The following GPC5 variants were observed in gnomAD, a reference collection of about 807,000 sequenced individuals.
The protein encoded by GPC5 is glypican 5, also known as glypican-5.
A neutral mutation model predicts 53.9 loss-of-function variants in GPC5; 47 were observed. The ratio of observed to expected loss-of-function variants is 0.87; its 90% CI spans 0.69 to 1.11. GPC5 has a LOEUF of 1.11. Ranked by LOEUF, GPC5 falls within the 50% of genes most tolerant of loss-of-function variation. The pLI is 0.00. For synonymous variants in GPC5, 286 were observed against 263.3 expected (o/e 1.09, Z -0.84); for missense variants, 748 against 713.1 (o/e 1.05, Z -0.56).
At chr13:92,736,059 A>T (rs1888926762) in intron 7 of GPC5, among the ~76,000 whole-genome samples, 1 of 151,984 alleles carries the variant, frequency 6.6e-6, no homozygotes, top group Non-Finnish European at 1.5e-5. Flanking sequence ...ATATAAGCAC[A>T]TTATTTGATT....
At chr13:91,556,619 A>G (rs1284606220) in intron 2 of GPC5, among the ~76,000 whole-genome samples, 1 of 151,740 alleles carries the variant, frequency 6.6e-6, no homozygotes, top group African/African-American at 2.4e-5. Context: ...ATATATACAC[A>G]CCATGGAATA....
At chr13:91,704,333 G>T (rs1163217699) in intron 3 of GPC5, among the ~76,000 whole-genome samples, 1 of 152,026 alleles carries the variant, frequency 6.6e-6, no homozygotes, top group Non-Finnish European at 1.5e-5. Flanking sequence ...CATTTGCATG[G>T]AATGAATATC....
At chr13:91,738,975 G>C (rs1033032109) in intron 4 of GPC5, among the ~76,000 whole-genome samples, 8 of 150,880 alleles carry the variant, frequency 5.3e-5, no homozygotes, top group Admixed American at 3.3e-4. Context: ...GAATCTTTTT[G>C]CTTTAGCCTT....
At chr13:92,409,964 G>T (rs1472600267) in intron 7 of GPC5, among the ~76,000 whole-genome samples, 1 of 152,178 alleles carries the variant, frequency 6.6e-6, no homozygotes, top group Admixed American at 6.5e-5. Context: ...TAAAAATAAG[G>T]TGTGTATGTG....
intron 7 of GPC5, among the ~76,000 whole-genome samples, chr13:92,386,988 TACTTG>T (rs1410857462): frequency 6.6e-6 from 1 of 152,102 alleles, no homozygotes; most frequent in Non-Finnish European, 1.5e-5. Context: ...AAGTATGGAT[TACTTG>T]ACTTGTTCAC....
intron 2 of GPC5, among the ~76,000 whole-genome samples, chr13:91,472,137 G>A (rs144633726): frequency 1.2e-4 from 18 of 152,166 alleles, no homozygotes; most frequent in African/African-American, 4.1e-4. Context: ...ACTTTCTGGA[G>A]AATAAAAAAG....
chr13:92,307,175 A>G (rs1253289550), intron 7 of GPC5, among the ~76,000 whole-genome samples: 1 of 152,252 alleles, frequency 6.6e-6, no homozygotes, highest in Non-Finnish European at 1.5e-5. Flanking sequence ...TTGCTCAGCC[A>G]TTAGATTATT....
chr13:92,203,831 A>G (rs549273128), intron 7 of GPC5, among the ~76,000 whole-genome samples: 91 of 151,476 alleles, frequency 6.0e-4, no homozygotes, highest in African/African-American at 2.1e-3. Context: ...AATCACATCA[A>G]TGGTGAATCT....
chr13:92,527,170 A>AAGAG (rs57318502), intron 7 of GPC5, among the ~76,000 whole-genome samples: 2 of 101,614 alleles, frequency 2.0e-5, no homozygotes, highest in African/African-American at 7.8e-5. Flanking sequence ...GAAAGAAAGA[A>AAGAG]AGAGAAAGAA....
chr13:91,407,906 T>TA (rs1286667860), intron 1 of GPC5, among the ~76,000 whole-genome samples: 5 of 152,226 alleles, frequency 3.3e-5, no homozygotes, highest in African/African-American at 1.2e-4. Context: ...CTAATCTTTT[T>TA]AAAAAATTTA....
intron 7 of GPC5, among the ~76,000 whole-genome samples, chr13:92,839,309 T>C (rs1878339785): frequency 6.6e-6 from 1 of 152,242 alleles, no homozygotes; most frequent in Admixed American, 6.5e-5. Context: ...TCTCTTGTTT[T>C]AACTTTTATT....
At chr13:91,901,460 A>G (rs2039496466) in intron 5 of GPC5, among the ~76,000 whole-genome samples, 1 of 152,104 alleles carries the variant, frequency 6.6e-6, no homozygotes, top group African/African-American at 2.4e-5. Flanking sequence ...TCAATCATAT[A>G]ACTCTTTTCC....
intron 2 of GPC5, among the ~76,000 whole-genome samples, chr13:91,458,003 A>G (rs1055884322): frequency 2.0e-5 from 3 of 152,136 alleles, no homozygotes; most frequent in Non-Finnish European, 4.4e-5. Flanking sequence ...ACAAGTTAGG[A>G]TGTATTAAAT....
At chr13:91,656,969 G>A (rs1339827489) in intron 2 of GPC5, among the ~76,000 whole-genome samples, 1 of 152,176 alleles carries the variant, frequency 6.6e-6, no homozygotes, top group East Asian at 1.9e-4. Context: ...GGTTTGTAAT[G>A]GGAGAGACCT....
At chr13:91,884,484 A>G (rs542379472) in intron 5 of GPC5, among the ~76,000 whole-genome samples, 20 of 152,328 alleles carry the variant, frequency 1.3e-4, no homozygotes, top group East Asian at 3.9e-4. Flanking sequence ...TCCTTAGCAA[A>G]CTAATGCAGG....
chr13:92,853,874 T>C (rs1436889899), intron 7 of GPC5, among the ~76,000 whole-genome samples: 6 of 152,136 alleles, frequency 3.9e-5, no homozygotes, highest in Non-Finnish European at 7.4e-5. Context: ...AAGGACATCA[T>C]GATAAAATTT....
chr13:92,223,955 A>G (rs1389664089), intron 7 of GPC5, among the ~76,000 whole-genome samples: 1 of 152,160 alleles, frequency 6.6e-6, no homozygotes, highest in Non-Finnish European at 1.5e-5. Context: ...CAAAACAGAA[A>G]TGTATTAGTG....
chr13:92,331,998 A>T (rs1416868075), intron 7 of GPC5, among the ~76,000 whole-genome samples: 1 of 152,186 alleles, frequency 6.6e-6, no homozygotes, highest in Admixed American at 6.6e-5. Flanking sequence ...TACAGAAGCA[A>T]TTCAATGTAT....
At chr13:91,800,723 C>G (rs1252266413) in intron 5 of GPC5, among the ~76,000 whole-genome samples, 1 of 152,030 alleles carries the variant, frequency 6.6e-6, no homozygotes, top group Non-Finnish European at 1.5e-5. Context: ...TATATTTGAA[C>G]ATGTTTTAAT....
Sources: allele counts gnomAD v4.1 joint callset (sites outside exome capture counted in the v4.1 genomes callset), GRCh38; gene constraint gnomAD v4.1.1; transcripts MANE v1.5; gene names NCBI Gene and HGNC (gene_info 2026-07-23, HGNC 2026-07-21).